ENTREP2: variants seen among roughly 807,000 people sequenced by gnomAD.
The protein encoded by ENTREP2 is protein ENTREP2.
At chr15:29,614,949 G>T in the ENTREP2 span, among the ~76,000 whole-genome samples, 1 of 152,140 alleles carries the variant, frequency 6.6e-6, no homozygotes, top group African/African-American at 2.4e-5. Flanking sequence ...GGAAGAGGAT[G>T]GGATTTTCCA....
At chr15:29,134,968 G>A in the ENTREP2 span, among the ~76,000 whole-genome samples, 1 of 152,130 alleles carries the variant, frequency 6.6e-6, no homozygotes, top group Non-Finnish European at 1.5e-5. Context: ...CCTGGCCAGT[G>A]ATCTGGGTAG....
At chr15:29,211,251 T>G in the ENTREP2 span, among the ~76,000 whole-genome samples, 1 of 152,308 alleles carries the variant, frequency 6.6e-6, no homozygotes, top group East Asian at 1.9e-4. Flanking sequence ...CCCTCTACGA[T>G]GAAGCCAGTG....
the ENTREP2 span, among the ~76,000 whole-genome samples, chr15:29,133,487 T>G: frequency 6.6e-6 from 1 of 152,148 alleles, no homozygotes; most frequent in Admixed American, 6.5e-5. Context: ...GTCCACTCCT[T>G]TACCTGGTGT....
the ENTREP2 span, among the ~76,000 whole-genome samples, chr15:29,281,274 TCTTA>T: frequency 1.3e-5 from 2 of 152,188 alleles, no homozygotes; most frequent in Non-Finnish European, 2.9e-5. Context: ...ACTTGATTAG[TCTTA>T]CTTAAGGATG....
chr15:29,153,360 G>T, the ENTREP2 span, among the ~76,000 whole-genome samples: 1 of 152,202 alleles, frequency 6.6e-6, no homozygotes, highest in Non-Finnish European at 1.5e-5. Context: ...CTGAAGTCTG[G>T]AAGTCTGAGA....
chr15:29,576,847 A>G, the ENTREP2 span, among the ~76,000 whole-genome samples: 1 of 152,136 alleles, frequency 6.6e-6, no homozygotes, highest in Non-Finnish European at 1.5e-5. Flanking sequence ...TCGCTCTGTC[A>G]CCCAGGCTGG....
At chr15:29,519,552 C>G in the ENTREP2 span, among the ~76,000 whole-genome samples, 1 of 152,196 alleles carries the variant, frequency 6.6e-6, no homozygotes, top group Non-Finnish European at 1.5e-5. Context: ...ATTAACATTT[C>G]TTTTCTCTGG....
At chr15:29,254,389 T>C in the ENTREP2 span, among the ~76,000 whole-genome samples, 1 of 152,194 alleles carries the variant, frequency 6.6e-6, no homozygotes, top group Admixed American at 6.5e-5. Context: ...TAACTGATTA[T>C]TGCCCCACTG....
chr15:29,161,802 A>G, the ENTREP2 span, among the ~76,000 whole-genome samples: 1 of 152,168 alleles, frequency 6.6e-6, no homozygotes, highest in East Asian at 1.9e-4. Flanking sequence ...CACACATAGG[A>G]TCATGGTGGA....
the ENTREP2 span, among the ~76,000 whole-genome samples, chr15:29,287,066 A>G: frequency 5.9e-5 from 9 of 152,334 alleles, no homozygotes; most frequent in East Asian, 1.7e-3. Context: ...AGATGGGGCA[A>G]TAACGCAAGA....
At chr15:29,479,686 C>G in the ENTREP2 span, among the ~76,000 whole-genome samples, 1 of 39,400 alleles carries the variant, frequency 2.5e-5, no homozygotes, top group Non-Finnish European at 4.5e-5. Flanking sequence ...CACATACATA[C>G]ACACACACAC....
the ENTREP2 span, among the ~76,000 whole-genome samples, chr15:29,163,021 T>C: frequency 2.0e-5 from 3 of 152,126 alleles, no homozygotes; most frequent in African/African-American, 7.2e-5. Flanking sequence ...AGCCCGGAGC[T>C]GGGCAGACTT....
chr15:29,421,947 T>C, the ENTREP2 span, among the ~76,000 whole-genome samples: 6 of 152,150 alleles, frequency 3.9e-5, no homozygotes, highest in African/African-American at 1.4e-4. Context: ...AAAGACAGCA[T>C]GGTGGAGGCC....
the ENTREP2 span, among the ~76,000 whole-genome samples, chr15:29,296,965 T>C: frequency 9.1e-3 from 1,388 of 152,284 alleles, 8 homozygotes; most frequent in Non-Finnish European, 0.014. Flanking sequence ...TGAAGAAATA[T>C]ATGTCACAGA....
At chr15:29,549,424 C>T in the ENTREP2 span, among the ~76,000 whole-genome samples, 2 of 152,006 alleles carry the variant, frequency 1.3e-5, no homozygotes, top group Non-Finnish European at 2.9e-5. Flanking sequence ...CGCCCACCAC[C>T]ACACCTGGCT....
chr15:29,269,501 G>C, the ENTREP2 span: 1 of 1,606,594 alleles, frequency 6.2e-7, no homozygotes, highest in East Asian at 2.2e-5. Flanking sequence ...TGGGCCCGGC[G>C]GGCGCCCTGA....
the ENTREP2 span, among the ~76,000 whole-genome samples, chr15:29,224,383 A>C: frequency 6.6e-6 from 1 of 152,142 alleles, no homozygotes; most frequent in Admixed American, 6.5e-5. Flanking sequence ...CACTTGTGGA[A>C]GGGAACTGCG....
chr15:29,311,197 T>C, the ENTREP2 span, among the ~76,000 whole-genome samples: 7 of 152,332 alleles, frequency 4.6e-5, no homozygotes, highest in South Asian at 1.4e-3. Flanking sequence ...AAGACAATTT[T>C]TTAAAACATA....
chr15:29,223,797 G>T, the ENTREP2 span, among the ~76,000 whole-genome samples: 1 of 152,268 alleles, frequency 6.6e-6, no homozygotes, highest in African/African-American at 2.4e-5. Flanking sequence ...CCCTGCAACA[G>T]GAAGGCCTCA....
Sources: allele counts gnomAD v4.1 joint callset (sites outside exome capture counted in the v4.1 genomes callset), GRCh38; gene constraint gnomAD v4.1.1; transcripts MANE v1.5; gene names NCBI Gene and HGNC (gene_info 2026-07-23, HGNC 2026-07-21).